RABGAP1: variants seen among roughly 807,000 people sequenced by gnomAD.
The protein encoded by RABGAP1 is RAB GTPase activating protein 1.
A neutral mutation model predicts 137.6 loss-of-function variants in RABGAP1; 23 were observed. The observed-to-expected ratio is 0.17, with a 90% confidence interval of 0.12 to 0.24. The LOEUF is 0.24. Among genes scored for constraint, RABGAP1 ranks in the 10% least tolerant of loss-of-function variants. The pLI, the probability that RABGAP1 is intolerant of heterozygous loss-of-function variation, is 1.00. For synonymous variants in RABGAP1, 451 were observed against 450.7 expected (o/e 1.00, Z -0.01); for missense variants, 906 against 1,275.8 (o/e 0.71, Z 4.42).
At chr9:123,058,801 G>T (rs2033852359) in intron 13 of RABGAP1, among the ~76,000 whole-genome samples, 1 of 152,182 alleles carries the variant, frequency 6.6e-6, no homozygotes, top group African/African-American at 2.4e-5. Context: ...AGTGACAAGT[G>T]GAAAACAAGG....
chr9:122,985,611 CAAAAAAAAAA>C (rs34147826), intron 3 of RABGAP1, among the ~76,000 whole-genome samples: 39 of 91,110 alleles, frequency 4.3e-4, no homozygotes, highest in Non-Finnish European at 6.8e-4. Flanking sequence ...GACTCCGTCT[CAAAAAAAAAA>C]AAAAAAAAAA....
the RABGAP1 span, among the ~76,000 whole-genome samples, chr9:122,932,014 T>C: frequency 6.6e-6 from 1 of 152,236 alleles, no homozygotes; most frequent in African/African-American, 2.4e-5. Context: ...TGCACTCCCA[T>C]GGCTTCCGTT....
In RABGAP1 at chr9:123,101,653, G is replaced by C; in HGVS notation, c.2977G>C (p.Asp993His). The change falls in exon 25 of 26, where the codon GAT becomes CAT. Residue 993 changes from aspartate (D) to histidine (H), a missense_variant. By Grantham distance (81) the Asp-to-His change is moderately conservative. Coordinates refer to ENST00000373647, the MANE Select transcript of RABGAP1 (RefSeq NM_012197.4). The part of the protein sequence containing the change: ...KGISSTKEVL[D>H]EDTDEEKETL... ...CATAAGCTCAACCAAGGAGGTTTTA[G>C]ATGAGGACACGGATGAAGAGAAAGA... is the stretch of plus-strand genomic sequence containing the variant. 1 of 1,614,150 alleles carries C rather than the reference G, an allele frequency of 6.2e-7. No homozygotes were observed. The highest frequency in any genetic ancestry group is 8.5e-7 in the Non-Finnish European group (1 of 1,180,038).
In RABGAP1 at chr9:122,990,834, T is replaced by G. The variant is rs1458464672; in HGVS notation, c.923+621T>G. On this transcript the variant is annotated intron_variant, in intron 6 of 25. Transcript: ENST00000373647. ...ATATATATATATATATATATATATA[T>G]ATGGCCAAAGCTTAGTCAGCTGGAT... The G allele has an allele frequency of 6.2e-5, 7 of 113,640 alleles. 1 individual carries two copies. The highest frequency in any genetic ancestry group is 8.4e-5 in the Non-Finnish European group (5 of 59,218). The allele number at this position is 113,640 out of a possible 1,614,324, so 7.0% of individuals were successfully genotyped here.
At chr9:122,948,042 AACACACACACACACACACACACACAC>A in intron 1 of RABGAP1, among the ~76,000 whole-genome samples, 2 of 146,046 alleles carry the variant, frequency 1.4e-5, no homozygotes, top group African/African-American at 5.2e-5. Context: ...GAGCCAGGAA[AACACACACACACACACACACACACAC>A]ACACACACAC....
chr9:122,932,739 T>C, the RABGAP1 span, among the ~76,000 whole-genome samples: 2 of 151,484 alleles, frequency 1.3e-5, no homozygotes, highest in African/African-American at 2.4e-5. Flanking sequence ...TCCGTGTTGG[T>C]CAGGCTGGTG....
chr9:123,034,642 A>C, intron 13 of RABGAP1: 1 of 1,613,796 alleles, frequency 6.2e-7, no homozygotes, highest in Non-Finnish European at 8.5e-7. Flanking sequence ...GGAAACTGTC[A>C]ATTTTTGCCT....
chr9:123,014,570 G>A (rs1337097418), intron 11 of RABGAP1, among the ~76,000 whole-genome samples: 1 of 151,240 alleles, frequency 6.6e-6, no homozygotes, highest in Non-Finnish European at 1.5e-5. Flanking sequence ...ACCGTATTTT[G>A]CCGTATCATT....
intron 1 of RABGAP1, among the ~76,000 whole-genome samples, chr9:122,955,961 A>G (rs149470719): frequency 1.8e-3 from 270 of 152,328 alleles, no homozygotes; most frequent in African/African-American, 5.7e-3. Flanking sequence ...TGTTGTGACA[A>G]CCAAATGAAA....
intron 14 of RABGAP1, among the ~76,000 whole-genome samples, chr9:123,067,836 A>C (rs1398651754): frequency 6.6e-6 from 1 of 152,226 alleles, no homozygotes; most frequent in Non-Finnish European, 1.5e-5. Context: ...TTTCACACGT[A>C]TATGATTCCT....
Position 123,024,630 on chromosome 9 carries a change from A to G in RABGAP1, c.1794+4171A>G, listed in dbSNP as rs1386547698. On this transcript the variant is annotated intron_variant, in intron 13 of 25. Transcript: ENST00000373647. Reference sequence around the variant, plus strand: ...AATTTTTGTATTTTTAGTAGATACTAAGTTTCACCATGTTGGTTAGGCTGG... The same window carrying G: ...AATTTTTGTATTTTTAGTAGATACTGAGTTTCACCATGTTGGTTAGGCTGG... 2.6e-5 allele frequency among the ~76,000 whole-genome samples: 4 copies of G among 152,020 alleles called. No homozygotes were observed. The East Asian group carries it at 5.8e-4, about 22-fold the overall frequency.
At chr9:122,954,649 A>G (rs1031592274) in intron 1 of RABGAP1, among the ~76,000 whole-genome samples, 1 of 152,206 alleles carries the variant, frequency 6.6e-6, no homozygotes, top group African/African-American at 2.4e-5. Flanking sequence ...AAAGATGGAT[A>G]AAAGACTTAA....
At chr9:123,058,038 C>T (rs1417704356) in intron 13 of RABGAP1, among the ~76,000 whole-genome samples, 3 of 89,668 alleles carry the variant, frequency 3.3e-5, no homozygotes, top group Non-Finnish European at 4.6e-5. Flanking sequence ...CAGAGGGAGA[C>T]CGTGGAAAGA....
At chr9:123,001,157 T>A (rs1199238623) in intron 10 of RABGAP1, among the ~76,000 whole-genome samples, 7 of 152,172 alleles carry the variant, frequency 4.6e-5, no homozygotes, top group South Asian at 2.1e-4. Flanking sequence ...CCTATTTTTT[T>A]ATTTTTTTAA....
Position 123,089,838 on chromosome 9 carries a change from C to T in RABGAP1, c.2505C>T (p.Ile835=), listed in dbSNP as rs374667535. 4.3e-5 allele frequency: 70 copies of T among 1,613,574 alleles called. No individual in the cohort carries two copies. Among genetic ancestry groups the T allele is most frequent in the South Asian group, 2.3e-4 (21 of 91,030 alleles). Residue 835 remains isoleucine (I), a synonymous_variant, in exon 20 of 26, where the codon ATC becomes ATT. Transcript: ENST00000373647. The part of the protein sequence containing the change: ...REQQAQQEDP[I]ERFERENRRL... ...AGCAGGCCCAGCAAGAAGACCCCATCGAGCGATTTGAGGTTTGTTTGCTTA... is the reference window on the plus strand; with the variant it reads ...AGCAGGCCCAGCAAGAAGACCCCATTGAGCGATTTGAGGTTTGTTTGCTTA...
At chr9:123,069,919 A>G (rs1210132495) in intron 14 of RABGAP1, among the ~76,000 whole-genome samples, 1 of 152,114 alleles carries the variant, frequency 6.6e-6, no homozygotes, top group Non-Finnish European at 1.5e-5. Context: ...GTAATAATAT[A>G]ATAATAACCA....
intron 2 of RABGAP1, among the ~76,000 whole-genome samples, chr9:122,972,478 C>T (rs1418736470): frequency 6.6e-6 from 1 of 152,170 alleles, no homozygotes; most frequent in African/African-American, 2.4e-5. Context: ...GGCTTCTTCA[C>T]AGCATGGTAG....
chr9:123,029,317 AT>A (rs879073741), intron 13 of RABGAP1: 52,099 of 497,698 alleles, frequency 0.1, no homozygotes, highest in Middle Eastern at 0.14. Flanking sequence ...TTTAAAGCTC[AT>A]TTTTTTTTTT....
At chr9:122,988,800 G>T (rs1487182190) in intron 4 of RABGAP1, among the ~76,000 whole-genome samples, 1 of 151,870 alleles carries the variant, frequency 6.6e-6, no homozygotes, top group Non-Finnish European at 1.5e-5. Context: ...AAAATTAGCC[G>T]GGCATGGTGG....
Sources: gnomAD v4.1 joint callset for allele counts (sites outside exome capture counted in the v4.1 genomes callset) on GRCh38, gnomAD v4.1.1 for gene constraint, MANE v1.5 for transcripts, NCBI Gene and HGNC (gene_info 2026-07-23, HGNC 2026-07-21) for gene names.